Variants in PPARGC1A observed in about 807,000 individuals in gnomAD.
PPARGC1A encodes peroxisome proliferator-activated receptor gamma coactivator 1-alpha.
PPARGC1A carries 25 observed loss-of-function variants against 88.7 expected under a neutral mutation model. The observed-to-expected ratio is 0.28, with a 90% CI of 0.21 to 0.39. PPARGC1A has a LOEUF of 0.39. Ranked by LOEUF, PPARGC1A falls within the 10% of genes least tolerant of loss-of-function variation. The probability of loss-of-function intolerance (pLI) is 1.00; values close to 1 mark genes in which losing one functional copy is unlikely to be tolerated. For synonymous variants in PPARGC1A, 363 were observed against 355.6 expected (o/e 1.02, Z -0.24); for missense variants, 880 against 968.7 (o/e 0.91, Z 1.22).
chr4:24,037,899 C>T, the PPARGC1A span, among the ~76,000 whole-genome samples: 2 of 152,176 alleles, frequency 1.3e-5, no homozygotes, highest in African/African-American at 2.4e-5. Flanking sequence ...CAGAGCTTAG[C>T]TTGGTGCCTG....
chr4:24,091,110 G>A, the PPARGC1A span, among the ~76,000 whole-genome samples: 1 of 152,206 alleles, frequency 6.6e-6, no homozygotes, highest in Admixed American at 6.5e-5. Flanking sequence ...GATGACAGGT[G>A]TTGTATTAAA....
At chr4:23,942,038 T>C in the PPARGC1A span, among the ~76,000 whole-genome samples, 1 of 151,690 alleles carries the variant, frequency 6.6e-6, no homozygotes, top group Non-Finnish European at 1.5e-5. Context: ...CCACACACTA[T>C]GGGCAGATAC....
At chr4:23,913,255 TATATATATATATAGAG>T in the PPARGC1A span, among the ~76,000 whole-genome samples, 21 of 45,550 alleles carry the variant, frequency 4.6e-4, no homozygotes, top group African/African-American at 1.7e-3. Flanking sequence ...TATATATATA[TATATATATATATAGAG>T]AGAGAGAGAG....
chr4:24,340,379 C>CT, the PPARGC1A span, among the ~76,000 whole-genome samples: 1 of 152,150 alleles, frequency 6.6e-6, no homozygotes, highest in African/African-American at 2.4e-5. Flanking sequence ...TTCTGACTGG[C>CT]TATTTCTCTG....
chr4:24,050,293 T>A, the PPARGC1A span, among the ~76,000 whole-genome samples: 2 of 148,978 alleles, frequency 1.3e-5, no homozygotes, highest in Admixed American at 1.4e-4. Context: ...CCTCCCAGGT[T>A]CAAGTGATTC....
At chr4:24,098,580 C>T in the PPARGC1A span, among the ~76,000 whole-genome samples, 4 of 152,132 alleles carry the variant, frequency 2.6e-5, no homozygotes, top group African/African-American at 9.7e-5. Flanking sequence ...AAACAGAATC[C>T]ATTTCAATAC....
At chr4:23,867,496 T>C (rs1411882660) in intron 2 of PPARGC1A, among the ~76,000 whole-genome samples, 1 of 152,198 alleles carries the variant, frequency 6.6e-6, no homozygotes, top group Non-Finnish European at 1.5e-5. Flanking sequence ...CTGGACTGGG[T>C]AGACTGTCCC....
At chr4:24,332,461 G>T in the PPARGC1A span, among the ~76,000 whole-genome samples, 352 of 152,288 alleles carry the variant, frequency 2.3e-3, 1 homozygote, top group Middle Eastern at 0.02. Context: ...ATTCATCCTG[G>T]TATCTAGAAC....
chr4:23,978,975 AC>A, the PPARGC1A span, among the ~76,000 whole-genome samples: 1 of 152,224 alleles, frequency 6.6e-6, no homozygotes, highest in African/African-American at 2.4e-5. Flanking sequence ...AACAAGTTGC[AC>A]CCTATTGCAT....
the PPARGC1A span, among the ~76,000 whole-genome samples, chr4:24,018,748 G>A: frequency 7.0e-6 from 1 of 142,060 alleles, no homozygotes; most frequent in African/African-American, 2.7e-5. Context: ...CTCTGATAAA[G>A]CCTTACTGAC....
At chr4:23,934,714 A>C in the PPARGC1A span, among the ~76,000 whole-genome samples, 1 of 152,354 alleles carries the variant, frequency 6.6e-6, no homozygotes, top group Admixed American at 6.5e-5. Context: ...CCTCTGAGTT[A>C]GGCACTATGA....
At chr4:24,065,472 G>A in the PPARGC1A span, among the ~76,000 whole-genome samples, 14 of 152,250 alleles carry the variant, frequency 9.2e-5, no homozygotes, top group East Asian at 1.9e-4. Flanking sequence ...TTCTCCGTTC[G>A]GCAATGCCTT....
chr4:23,813,277 T>C, intron 8 of PPARGC1A, 152 bp from the exon 9 acceptor site: 1 of 693,432 alleles, frequency 1.4e-6, no homozygotes, highest in East Asian at 2.6e-5. Flanking sequence ...CAGTTTGTGA[T>C]CATCTAGTCA....
At chr4:24,410,171 A>G in the PPARGC1A span, among the ~76,000 whole-genome samples, 1 of 152,220 alleles carries the variant, frequency 6.6e-6, no homozygotes, top group African/African-American at 2.4e-5. Flanking sequence ...TTGTGAAAAT[A>G]ATTAATAAAA....
the PPARGC1A span, among the ~76,000 whole-genome samples, chr4:24,364,917 C>T: frequency 2.6e-5 from 4 of 152,064 alleles, no homozygotes; most frequent in Admixed American, 6.6e-5. Context: ...GTGCTTGACA[C>T]GTATCGATAC....
At chr4:23,878,755 T>G (rs913134268) in intron 2 of PPARGC1A, among the ~76,000 whole-genome samples, 3 of 152,172 alleles carry the variant, frequency 2.0e-5, no homozygotes, top group Non-Finnish European at 4.4e-5. Context: ...ACAGGCTGGG[T>G]CAGATTGTTG....
At chr4:24,071,418 A>C in the PPARGC1A span, among the ~76,000 whole-genome samples, 1 of 152,130 alleles carries the variant, frequency 6.6e-6, no homozygotes, top group African/African-American at 2.4e-5. Context: ...AGCTGCTACC[A>C]ATGGTGTTTT....
At chr4:24,201,590 C>G in the PPARGC1A span, among the ~76,000 whole-genome samples, 5 of 152,328 alleles carry the variant, frequency 3.3e-5, no homozygotes, top group East Asian at 7.7e-4. Flanking sequence ...TGTCCCTTCT[C>G]TCTTCTAATT....
upstream of PPARGC1A, among the ~76,000 whole-genome samples, chr4:23,908,419 G>T (rs913196696): frequency 2.0e-5 from 3 of 151,764 alleles, no homozygotes; most frequent in African/African-American, 7.3e-5. Flanking sequence ...AAATAAATTG[G>T]TGACATAGGA....
Sources: gnomAD v4.1 joint callset for allele counts (sites outside exome capture counted in the v4.1 genomes callset) on GRCh38, gnomAD v4.1.1 for gene constraint, MANE v1.5 for transcripts, NCBI Gene and HGNC (gene_info 2026-07-23, HGNC 2026-07-21) for gene names.